NUP210L: variants seen among roughly 807,000 people sequenced by gnomAD.
The protein encoded by NUP210L is nuclear pore membrane glycoprotein 210-like.
Under a neutral mutation model 208.5 loss-of-function variants are expected in NUP210L, and 74 were observed. The observed-to-expected ratio is 0.35, with a 90% CI of 0.29 to 0.43. The LOEUF (loss-of-function observed/expected upper bound fraction) is 0.43. Among genes scored for constraint, NUP210L ranks in the 20% least tolerant of loss-of-function variants. The pLI, the probability that NUP210L is intolerant of heterozygous loss-of-function variation, is 1.00. For synonymous variants in NUP210L, 780 were observed against 816.9 expected, an observed-to-expected ratio of 0.95 and a Z score of 0.77; for missense variants, 1,843 against 2,289.4, an observed-to-expected ratio of 0.81 and a Z score of 3.98.
At chr1:154,090,946 A>C (rs1362182058) in intron 15 of NUP210L, among the ~76,000 whole-genome samples, 1 of 151,998 alleles carries the variant, frequency 6.6e-6, no homozygotes, top group Middle Eastern at 3.4e-3. Context: ...TTCCTCAAGA[A>C]ATTAAAAATA....
At chr1:154,004,854 C>CTTTCT (rs1276457271) in intron 35 of NUP210L, among the ~76,000 whole-genome samples, 4 of 114,234 alleles carry the variant, frequency 3.5e-5, no homozygotes, top group South Asian at 2.9e-4. Context: ...TTCTTTCTTT[C>CTTTCT]TTTTTTTTTT....
Position 154,127,301 on chromosome 1 carries a change from A to T in NUP210L, c.1185+10T>A. 1 of 1,383,042 alleles carries T rather than the reference A, an allele frequency of 7.2e-7. No individual in the cohort carries two copies. The highest frequency in any genetic ancestry group is 1.0e-6 in the Non-Finnish European group (1 of 977,660). The allele number at this position is 1,383,042 out of a possible 1,614,324, so 85.7% of individuals were successfully genotyped here. A position where few individuals can be genotyped will look rare whatever the true frequency, so the allele number is the denominator to read the frequency against. ...CAAGGAGCTCAGAAAAATAAAAAAG[A>T]CTGACTCACATCTGAAATATAGACC... On this transcript the variant is annotated intron_variant, in intron 9 of 39. Coordinates refer to ENST00000368559, the Ensembl canonical transcript of NUP210L.
chr1:154,027,504 A>G lies in NUP210L; in HGVS notation c.3947+2T>C. 6.3e-7 allele frequency: 1 copy of G among 1,599,472 alleles called. No individual in the cohort carries two copies. On this transcript the variant is annotated splice_donor_variant, in intron 29 of 39. Coordinates refer to ENST00000368559, the Ensembl canonical transcript of NUP210L. LOFTEE classifies it high-confidence loss of function. ...CACTTCCTTATTCTCCCTTTTCCTT[A>G]CCTGTTGGTATGGAGTTTGAGCTGA...
chr1:154,053,391 A>G (rs1653632399), intron 25 of NUP210L, among the ~76,000 whole-genome samples: 1 of 152,162 alleles, frequency 6.6e-6, no homozygotes, highest in East Asian at 1.9e-4. Context: ...CTTTGCTTTT[A>G]TTGTCTTGCA....
chr1:154,098,209 G>A (rs1656269689), intron 14 of NUP210L, among the ~76,000 whole-genome samples: 1 of 152,218 alleles, frequency 6.6e-6, no homozygotes, highest in Non-Finnish European at 1.5e-5. Flanking sequence ...GGAACACAGT[G>A]GTGCCTGGAA....
At chr1:154,022,927 T>C (rs948932206) in intron 31 of NUP210L, among the ~76,000 whole-genome samples, 195 bp downstream of exon 31, 2 of 152,076 alleles carry the variant, frequency 1.3e-5, no homozygotes, top group Admixed American at 6.6e-5. Context: ...TCCTCCCTCC[T>C]CAGCCTCCCA....
chr1:153,993,883 G>A (rs1649651122), intron 38 of NUP210L, among the ~76,000 whole-genome samples: 1 of 152,088 alleles, frequency 6.6e-6, no homozygotes, highest in South Asian at 2.1e-4. Flanking sequence ...GGGTGACAAT[G>A]GGACTCCATC....
intron 35 of NUP210L, among the ~76,000 whole-genome samples, chr1:154,006,944 GTGTATA>G (rs1159443129): frequency 3.1e-5 from 3 of 97,850 alleles, no homozygotes; most frequent in African/African-American, 1.1e-4. Flanking sequence ...GTGTGTGTGT[GTGTATA>G]TATATATATA....
chr1:154,144,005 C>A (rs986269668), intron 2 of NUP210L, among the ~76,000 whole-genome samples: 2 of 151,934 alleles, frequency 1.3e-5, no homozygotes, highest in East Asian at 3.9e-4. Flanking sequence ...CACGGTGAAA[C>A]CCCGTCTCTA....
chr1:154,032,681 G>A (rs1198701154), intron 27 of NUP210L, among the ~76,000 whole-genome samples: 1 of 152,106 alleles, frequency 6.6e-6, no homozygotes, highest in Non-Finnish European at 1.5e-5. Flanking sequence ...ACTTTGGGAG[G>A]CCGAGGCAGG....
chr1:154,009,042 TG>T (rs1182225516), intron 35 of NUP210L, among the ~76,000 whole-genome samples: 2 of 152,022 alleles, frequency 1.3e-5, no homozygotes, highest in Admixed American at 6.6e-5. Context: ...CTCCAATAGT[TG>T]GGATTACAGG....
intron 11 of NUP210L, 59 bp downstream of exon 11, chr1:154,118,611 TA>T: frequency 8.6e-7 from 1 of 1,160,388 alleles, no homozygotes; most frequent in African/African-American, 1.6e-5. Flanking sequence ...CAAATTTCAA[TA>T]AATTAAGCTA....
At chr1:154,154,884 C>G (rs570237638) in exon 1 of NUP210L, 12 of 1,614,116 alleles carry the variant, frequency 7.4e-6, no homozygotes, top group Admixed American at 1.7e-5. Context: ...GAAAGGCACC[C>G]GGCCTGGCTC....
chr1:154,139,033 C>T (rs899906259), intron 5 of NUP210L, among the ~76,000 whole-genome samples: 2 of 151,310 alleles, frequency 1.3e-5, no homozygotes, highest in Non-Finnish European at 3.0e-5. Flanking sequence ...TTTAGGAGGC[C>T]GAGACAGGTG....
intron 12 of NUP210L, among the ~76,000 whole-genome samples, chr1:154,111,914 C>T (rs1311067095): frequency 1.3e-5 from 2 of 151,498 alleles, no homozygotes; most frequent in African/African-American, 2.4e-5. Flanking sequence ...CCAAATTCAA[C>T]AACACTTTTT....
intron 8 of NUP210L, among the ~76,000 whole-genome samples, chr1:154,128,512 A>G (rs1294917279): frequency 6.6e-6 from 1 of 152,044 alleles, no homozygotes; most frequent in Admixed American, 6.6e-5. Flanking sequence ...ATAATAATTT[A>G]GGGTTCCAAA....
At chr1:154,039,568 C>G (rs1396538764) in intron 27 of NUP210L, among the ~76,000 whole-genome samples, 1 of 152,110 alleles carries the variant, frequency 6.6e-6, no homozygotes, top group Non-Finnish European at 1.5e-5. Flanking sequence ...TGAAGGATAA[C>G]TTCACTGGAT....
At chr1:154,134,412 T>A in intron 7 of NUP210L, among the ~76,000 whole-genome samples, 1 of 146,232 alleles carries the variant, frequency 6.8e-6, no homozygotes, top group Non-Finnish European at 1.5e-5. Flanking sequence ...CTATTACAGA[T>A]CTCCGTGTAC....
At chr1:154,055,909 G>C (rs1653840664) in intron 23 of NUP210L, among the ~76,000 whole-genome samples, 1 of 152,082 alleles carries the variant, frequency 6.6e-6, no homozygotes, top group African/African-American at 2.4e-5. Context: ...AAGTAGAACA[G>C]CTGGGCTGGC....
Sources: gnomAD v4.1 joint callset for allele counts (sites outside exome capture counted in the v4.1 genomes callset) on GRCh38, gnomAD v4.1.1 for gene constraint, MANE v1.5 for transcripts, NCBI Gene and HGNC (gene_info 2026-07-23, HGNC 2026-07-21) for gene names.